CSMD1: variants seen among roughly 807,000 people sequenced by gnomAD.
CSMD1 encodes CUB and sushi domain-containing protein 1.
Under a neutral mutation model 417.5 loss-of-function variants are expected in CSMD1, and 213 were observed. The observed-to-expected ratio is 0.51, with a 90% CI of 0.46 to 0.57. CSMD1 has a LOEUF of 0.57. CSMD1 is among the 20% of genes least tolerant of loss of function. The probability of loss-of-function intolerance (pLI) is 0.00; values close to 1 mark genes in which losing one functional copy is unlikely to be tolerated. For synonymous variants in CSMD1, 2,862 were observed against 1,736.8 expected, an observed-to-expected ratio of 1.65 and a Z score of -16.11; for missense variants, 6,923 against 4,529.7, an observed-to-expected ratio of 1.53 and a Z score of -15.17.
In CSMD1 at chr8:4,143,126, G is replaced by C. The variant is rs1286503229; in HGVS notation, c.416-111027C>G. On this transcript the variant is annotated intron_variant, in intron 3 of 69. Coordinates refer to ENST00000635120, the MANE Select transcript of CSMD1 (RefSeq NM_033225.6). Reference sequence around the variant, plus strand: ...TAACTTGGGAAACTATGGAGGATTGGAATTAGCATTTCTAGAGAAACAAAT... The same window carrying C: ...TAACTTGGGAAACTATGGAGGATTGCAATTAGCATTTCTAGAGAAACAAAT... Among the ~76,000 whole-genome samples, 4 of 134,784 alleles carry C rather than the reference G, an allele frequency of 3.0e-5. 1 individual carries two copies. The highest frequency in any genetic ancestry group is 8.4e-5 in the African/African-American group (3 of 35,922). 88.4% of individuals were successfully genotyped at this position (134,784 alleles called of 152,430 possible).
At chr8:3,207,846 G>C (rs887634201) in intron 30 of CSMD1, among the ~76,000 whole-genome samples, 7 of 152,040 alleles carry the variant, frequency 4.6e-5, no homozygotes, top group Non-Finnish European at 8.8e-5. Flanking sequence ...TTCTATTTAG[G>C]TTTTTATGAT....
intron 54 of CSMD1, among the ~76,000 whole-genome samples, chr8:2,981,789 A>C (rs3887271): frequency 6.6e-6 from 1 of 152,222 alleles, no homozygotes; most frequent in African/African-American, 2.4e-5. Flanking sequence ...GGGATCAATA[A>C]CAGGTCCAAA....
At chr8:3,497,593 G>C (rs980695812) in intron 10 of CSMD1, among the ~76,000 whole-genome samples, 2 of 152,062 alleles carry the variant, frequency 1.3e-5, no homozygotes, top group Admixed American at 6.6e-5. Flanking sequence ...TAAAGTCCAT[G>C]TTATCTGATA....
intron 3 of CSMD1, among the ~76,000 whole-genome samples, chr8:4,263,457 T>C (rs1052241496): frequency 6.6e-5 from 10 of 152,306 alleles, no homozygotes; most frequent in Non-Finnish European, 1.5e-4. Flanking sequence ...ATTTGTGACA[T>C]AGTTGTTCCT....
At chr8:3,975,189 T>G (rs56790432) in intron 5 of CSMD1, among the ~76,000 whole-genome samples, 1,791 of 152,344 alleles carry the variant, frequency 0.012, 29 homozygotes, top group African/African-American at 0.041. Flanking sequence ...TTCAGCATCC[T>G]GTTACGATGT....
intron 23 of CSMD1, among the ~76,000 whole-genome samples, chr8:3,317,720 C>A (rs554903105): frequency 7.7e-4 from 117 of 152,320 alleles, no homozygotes; most frequent in Non-Finnish European, 1.4e-3. Flanking sequence ...TTCACAATAT[C>A]ATGCCTTGTA....
At chr8:4,101,988 C>G (rs769947688) in intron 3 of CSMD1, among the ~76,000 whole-genome samples, 1 of 152,114 alleles carries the variant, frequency 6.6e-6, no homozygotes, top group Non-Finnish European at 1.5e-5. Context: ...GTGTTGGGGA[C>G]TGGGGACCCG....
At chr8:4,026,296 G>T (rs2554575) in intron 4 of CSMD1, among the ~76,000 whole-genome samples, 1 of 152,004 alleles carries the variant, frequency 6.6e-6, no homozygotes, top group Non-Finnish European at 1.5e-5. Context: ...TACTACACCA[G>T]ACACTGAGAA....
chr8:4,279,394 C>A (rs1054841127), intron 3 of CSMD1, among the ~76,000 whole-genome samples: 1 of 152,196 alleles, frequency 6.6e-6, no homozygotes, highest in Non-Finnish European at 1.5e-5. Flanking sequence ...TTCCTGGATT[C>A]TGAATCACCA....
Position 3,732,750 on chromosome 8 carries a change from C to G in CSMD1, c.931+21180G>C, listed in dbSNP as rs149751503. Among the ~76,000 whole-genome samples the G allele has an allele frequency of 2.5e-3, 373 of 152,210 alleles. 2 individuals are homozygous for G. In the East Asian group the frequency reaches 0.028, roughly 11 times the overall value. On this transcript the variant is annotated intron_variant, in intron 6 of 69. Coordinates refer to ENST00000635120, the MANE Select transcript of CSMD1 (RefSeq NM_033225.6). The stretch of plus-strand genomic sequence containing the variant: ...ACCTTCAAGAGTAACACCTGATAAA[C>G]TCAATGCTTAATTACTAAGCTGAAA...
At chr8:3,971,648 C>G (rs916019851) in intron 5 of CSMD1, among the ~76,000 whole-genome samples, 1 of 152,118 alleles carries the variant, frequency 6.6e-6, no homozygotes, top group African/African-American at 2.4e-5. Flanking sequence ...TCAAGACAAT[C>G]CTGATCCGTG....
At chr8:4,405,033 G>A (rs1186644474) in intron 3 of CSMD1, among the ~76,000 whole-genome samples, 3 of 152,226 alleles carry the variant, frequency 2.0e-5, no homozygotes, top group Non-Finnish European at 4.4e-5. Flanking sequence ...GTTTAAACTA[G>A]CATGTCGTGA....
chr8:4,092,570 T>G (rs10216922), intron 3 of CSMD1, among the ~76,000 whole-genome samples: 5,683 of 152,294 alleles, frequency 0.037, 230 homozygotes, highest in African/African-American at 0.096. Context: ...GTGATTCTCT[T>G]TCTTAACACT....
intron 21 of CSMD1, among the ~76,000 whole-genome samples, chr8:3,348,421 CAG>C (rs530933228): frequency 2.5e-4 from 38 of 152,272 alleles, no homozygotes; most frequent in African/African-American, 8.9e-4. Flanking sequence ...TGCTATCATA[CAG>C]AGAGTTCTAG....
At chr8:4,176,072 G>C (rs1798022462) in intron 3 of CSMD1, among the ~76,000 whole-genome samples, 1 of 152,052 alleles carries the variant, frequency 6.6e-6, no homozygotes, top group Admixed American at 6.5e-5. Context: ...ACTTAGATGT[G>C]GAACCCTTGC....
intron 5 of CSMD1, among the ~76,000 whole-genome samples, chr8:3,924,456 T>A (rs2627399): frequency 0.029 from 4,479 of 152,248 alleles, 210 homozygotes; most frequent in African/African-American, 0.1. Flanking sequence ...CTAAGAAATT[T>A]ATCTTTCTCT....
chr8:4,374,632 G>T (rs1377193080), intron 3 of CSMD1, among the ~76,000 whole-genome samples: 1 of 152,120 alleles, frequency 6.6e-6, no homozygotes, highest in Non-Finnish European at 1.5e-5. Context: ...GGAGCATGAA[G>T]TTGTTTTTTA....
chr8:3,776,105 C>T (rs1437665969), intron 5 of CSMD1, among the ~76,000 whole-genome samples: 3 of 152,186 alleles, frequency 2.0e-5, no homozygotes, highest in Admixed American at 6.5e-5. Context: ...CATCCTCCCC[C>T]ATCCTTCCTT....
rs554724737 is a variant in CSMD1, at chr8:4,076,260, T to C, written c.416-44161A>G. On this transcript the variant is annotated intron_variant, in intron 3 of 69. Transcript: ENST00000635120. ...TTGGCACTTCTCTCTCCTGCCACTA[T>C]GTGAAGAAGAATATGTTTGCTTCTC... is the stretch of plus-strand genomic sequence containing the variant. Among the ~76,000 whole-genome samples, 172 of 152,302 alleles carry C rather than the reference T, an allele frequency of 1.1e-3. 3 individuals are homozygous for C. Among genetic ancestry groups the C allele is most frequent in the African/African-American group, 4.1e-3 (169 of 41,564 alleles).
Sources: allele counts gnomAD v4.1 joint callset (sites outside exome capture counted in the v4.1 genomes callset), GRCh38; gene constraint gnomAD v4.1.1; transcripts MANE v1.5; gene names NCBI Gene and HGNC (gene_info 2026-07-23, HGNC 2026-07-21).